VWF: variants seen among roughly 807,000 people sequenced by gnomAD.
VWF encodes von Willebrand factor.
VWF carries 176 observed loss-of-function variants against 308.6 expected under a neutral mutation model. The observed-to-expected ratio is 0.57, with a 90% CI of 0.50 to 0.65. VWF has a LOEUF of 0.65. Ranked by LOEUF, VWF falls within the 30% of genes least tolerant of loss-of-function variation. The pLI is 0.00. For synonymous variants in VWF, 1,385 were observed against 1,443.4 expected (o/e 0.96, Z 0.92); for missense variants, 3,146 against 3,648.2 (o/e 0.86, Z 3.55).
In VWF at chr12:6,036,506, T is replaced by C. The variant is rs1168782255; in HGVS notation, c.2443-15A>G. ...TCATGCCGGACCTAAGAGAAAAGAA[T>C]CCAAAAGTCCTCAGGGCCACAGTGA... On this transcript the variant is annotated splice_polypyrimidine_tract_variant and intron_variant, in intron 18 of 51. Transcript: ENST00000261405. The C allele has an allele frequency of 5.6e-6, 9 of 1,612,928 alleles. No homozygotes were observed. The highest frequency in any genetic ancestry group is 7.6e-6 in the Non-Finnish European group (9 of 1,179,016).
In VWF at chr12:6,065,907, C is replaced by G. The variant is rs1038196508; in HGVS notation, c.1157-634G>C. ...CAGAGGGGCAACTCTAAGGCCATTG[C>G]TTTCTGCGTCCTCAGAGGGGCAAGC... On this transcript the variant is annotated intron_variant, in intron 10 of 51. Transcript: ENST00000261405. Among the ~76,000 whole-genome samples, 5 of 152,198 alleles carry G rather than the reference C, an allele frequency of 3.3e-5. No homozygotes were observed. The East Asian group carries it at 9.6e-4, about 29-fold the overall frequency.
At position 6,056,862 on chromosome 12, in the gene VWF, C is replaced by A; in HGVS notation, c.1940G>T (p.Arg647Leu). Residue 647 changes from arginine to leucine, a missense_variant, in exon 15 of 52, where the codon CGC becomes CTC. By Grantham distance (102) the Arg-to-Leu change is moderately radical. Transcript: ENST00000261405. ...CGGGCAGGGAGGGCACGCACCACAG[C>A]GGCCTGGCTCGCGCCACGCGACGCG... ...GVRVAWREPG[R>L]CELNCPKGQV... 7.0e-7 allele frequency: 1 copy of A among 1,432,978 alleles called. No individual in the cohort carries two copies. The highest frequency in any genetic ancestry group is 9.1e-7 in the Non-Finnish European group (1 of 1,103,752). The allele number at this position is 1,432,978 out of a possible 1,614,324, so 88.8% of individuals were successfully genotyped here. A position where few individuals can be genotyped will look rare whatever the true frequency, so the allele number is the denominator to read the frequency against.
chr12:6,069,833 G>C (rs1193966842), intron 10 of VWF, among the ~76,000 whole-genome samples: 1 of 152,174 alleles, frequency 6.6e-6, no homozygotes, highest in African/African-American at 2.4e-5. Flanking sequence ...AAGACCAGAG[G>C]ACTGTATTGT....
rs564595138 is a variant in VWF at position 5,982,970 on chromosome 12, G to A, written c.7081+180C>T. On this transcript the variant is annotated intron_variant, in intron 41 of 51. Coordinates refer to ENST00000261405, the MANE Select transcript of VWF (RefSeq NM_000552.5). ...TGGTATCCTTCAGCAGCGTGCAGCCGGAAGGATTCCGTGCAGGTGTGACCC... is the reference window on the plus strand; with the variant it reads ...TGGTATCCTTCAGCAGCGTGCAGCCAGAAGGATTCCGTGCAGGTGTGACCC... 1.2e-3 allele frequency among the ~76,000 whole-genome samples: 177 copies of A among 152,318 alleles called. 1 individual carries two copies. The highest frequency in any genetic ancestry group is 2.2e-3 in the Admixed American group (34 of 15,304).
rs368825064 is a variant in VWF, at chr12:6,036,457, C to T, written c.2477G>A (p.Arg826Lys). 4.9e-5 allele frequency: 79 copies of T among 1,614,108 alleles called. No individual in the cohort carries two copies. Among genetic ancestry groups the T allele is most frequent in the Non-Finnish European group, 6.4e-5 (75 of 1,180,050 alleles). ...CTTGCCCTGATGGAAGCAGGGACACCTTTCCAGGGCCACACATCTGTTCTC... is the reference window on the plus strand; with the variant it reads ...CTTGCCCTGATGGAAGCAGGGACACTTTTCCAGGGCCACACATCTGTTCTC... ...RHENRCVALE[R>K]CPCFHQGKEY... Residue 826 changes from arginine to lysine, a missense_variant, in exon 19 of 52, where the codon AGG (arginine) becomes AAG (lysine). This residue lies in a region of VWF where 1,304 missense variants were observed against 1,353.0 expected (regional missense o/e 0.96). Coordinates refer to ENST00000261405, the MANE Select transcript of VWF (RefSeq NM_000552.5).
chr12:6,078,763 C>T (rs1367295562), intron 6 of VWF, among the ~76,000 whole-genome samples: 1 of 152,158 alleles, frequency 6.6e-6, no homozygotes, highest in Non-Finnish European at 1.5e-5. Flanking sequence ...ACCCAGGAAT[C>T]CAGGCACCCT....
intron 43 of VWF, among the ~76,000 whole-genome samples, chr12:5,973,917 G>C (rs1356647842): frequency 1.3e-5 from 2 of 152,156 alleles, no homozygotes; most frequent in East Asian, 3.9e-4. Flanking sequence ...ATGGAAGCAA[G>C]GCCATCGCCT....
chr12:6,011,893 C>T (rs992185160), intron 33 of VWF, 99 bp from the exon 34 acceptor site: 5 of 1,391,538 alleles, frequency 3.6e-6, no homozygotes, highest in Non-Finnish European at 5.1e-6. Flanking sequence ...TGAACACAGG[C>T]CTACACAGCA....
chr12:6,032,039 G>A lies in VWF; in HGVS notation c.2686-461C>T, dbSNP rs539739656. Among the ~76,000 whole-genome samples the A allele has an allele frequency of 2.1e-4, 32 of 152,282 alleles. No individual in the cohort carries two copies. The South Asian group carries it at 5.2e-3, about 25-fold the overall frequency. Reference sequence around the variant, plus strand: ...CTGGCCCAGAAATGGAACCAAAGATGGTTTGACACAGCTCCATGGGTCCTG... The same window carrying A: ...CTGGCCCAGAAATGGAACCAAAGATAGTTTGACACAGCTCCATGGGTCCTG... On this transcript the variant is annotated intron_variant, in intron 20 of 51. Transcript: ENST00000261405.
chr12:5,953,984 ACCCAGTCTTT>A, intron 47 of VWF: 2 of 218,436 alleles, frequency 9.2e-6, no homozygotes, highest in African/African-American at 2.3e-5. Flanking sequence ...GGCGTTAATC[ACCCAGTCTTT>A]CAAACAAGAA....
chr12:5,973,561 C>G (rs1430985957), intron 43 of VWF, among the ~76,000 whole-genome samples: 1 of 152,134 alleles, frequency 6.6e-6, no homozygotes, highest in Non-Finnish European at 1.5e-5. Flanking sequence ...ACTGGAGTTG[C>G]GGGTTGTACC....
chr12:5,967,652 C>T (rs563511658), intron 46 of VWF, 50 bp from the exon 47 acceptor site: 1 of 1,508,066 alleles, frequency 6.6e-7, no homozygotes, highest in Non-Finnish European at 9.2e-7. Context: ...CCCAACCCCC[C>T]ACTCACCTCA....
intron 5 of VWF, among the ~76,000 whole-genome samples, chr12:6,098,940 A>T (rs1017996505): frequency 2.0e-5 from 3 of 151,536 alleles, no homozygotes; most frequent in African/African-American, 7.3e-5. Context: ...TAGGAAGGAG[A>T]TCCTGAGACC....
chr12:6,104,470 G>A (rs949912758), intron 5 of VWF, among the ~76,000 whole-genome samples: 9 of 151,600 alleles, frequency 5.9e-5, no homozygotes, highest in African/African-American at 1.9e-4. Context: ...GGCGTATCAC[G>A]AGGTCAGGAG....
At chr12:6,118,326 G>T (rs962961922) in intron 3 of VWF, among the ~76,000 whole-genome samples, 1 of 140,782 alleles carries the variant, frequency 7.1e-6, no homozygotes, top group Non-Finnish European at 1.5e-5. Context: ...CAATCCACCC[G>T]CCCCCACCCC....
intron 22 of VWF, among the ~76,000 whole-genome samples, chr12:6,028,591 G>T (rs769319343): frequency 2.6e-5 from 4 of 152,216 alleles, no homozygotes; most frequent in Middle Eastern, 3.4e-3. Context: ...CAGAAGAGAG[G>T]GGGGGACCAA....
intron 47 of VWF, among the ~76,000 whole-genome samples, chr12:5,959,361 T>A (rs926140101): frequency 2.0e-5 from 3 of 152,182 alleles, no homozygotes; most frequent in African/African-American, 7.2e-5. Flanking sequence ...AATAGGCTAA[T>A]CCACAATCTT....
At chr12:6,079,785 G>GT (rs1944887973) in intron 6 of VWF, among the ~76,000 whole-genome samples, 1 of 152,068 alleles carries the variant, frequency 6.6e-6, no homozygotes, top group Non-Finnish European at 1.5e-5. Context: ...GTCTAACTAT[G>GT]TATGTCCCAC....
chr12:6,104,569 C>T (rs974086854), intron 5 of VWF, among the ~76,000 whole-genome samples: 10 of 151,760 alleles, frequency 6.6e-5, no homozygotes, highest in Non-Finnish European at 1.3e-4. Context: ...TGGTGACATG[C>T]GCCTGTAGTC....
Sources: gnomAD v4.1 joint callset for allele counts (sites outside exome capture counted in the v4.1 genomes callset) on GRCh38, gnomAD v4.1.1 for gene constraint, gnomAD v4.1.1 regional missense constraint, MANE v1.5 for transcripts, NCBI Gene and HGNC (gene_info 2026-07-23, HGNC 2026-07-21) for gene names.